EYS: variants seen among roughly 807,000 people sequenced by gnomAD.
EYS encodes protein eyes shut homolog.
In EYS, 250 loss-of-function variants were observed where a neutral mutation model predicts 282.1. The ratio of observed to expected loss-of-function variants is 0.89; its 90% CI spans 0.80 to 0.98. The LOEUF is 0.98. Among genes scored for constraint, EYS ranks in the 50% least tolerant of loss-of-function variants. EYS has a pLI of 0.00. For synonymous variants in EYS, 1,355 were observed against 1,282.9 expected (o/e 1.06, Z -1.20); for missense variants, 4,016 against 3,709.0 (o/e 1.08, Z -2.15).
intron 14 of EYS, among the ~76,000 whole-genome samples, chr6:64,976,938 G>A (rs1224677561): frequency 6.6e-6 from 1 of 151,788 alleles, no homozygotes; most frequent in Non-Finnish European, 1.5e-5. Context: ...TGTCACCCAG[G>A]CTGGAGTGCA....
At chr6:64,788,879 T>C (rs1774099348) in intron 22 of EYS, among the ~76,000 whole-genome samples, 1 of 152,200 alleles carries the variant, frequency 6.6e-6, no homozygotes, top group African/African-American at 2.4e-5. Context: ...TTTTAATAGT[T>C]ATTTTGTAGT....
chr6:63,980,852 C>G (rs1183981635), intron 35 of EYS, among the ~76,000 whole-genome samples: 1 of 151,830 alleles, frequency 6.6e-6, no homozygotes, highest in African/African-American at 2.4e-5. Flanking sequence ...TGGAGAAATC[C>G]ACTTTATGAT....
intron 30 of EYS, among the ~76,000 whole-genome samples, chr6:64,263,398 T>C (rs2150354063): frequency 6.6e-6 from 1 of 152,222 alleles, no homozygotes; most frequent in African/African-American, 2.4e-5. Flanking sequence ...AGCTTGTTGG[T>C]TTTATATCTC....
intron 33 of EYS, among the ~76,000 whole-genome samples, chr6:64,005,728 C>G (rs9444438): frequency 0.12 from 17,636 of 151,996 alleles, 3,164 homozygotes; most frequent in African/African-American, 0.38. Context: ...AATAGGGAGT[C>G]CTTTCCCATT....
intron 33 of EYS, among the ~76,000 whole-genome samples, chr6:64,062,255 TAAAGC>T (rs1281232692): frequency 3.9e-5 from 6 of 152,172 alleles, no homozygotes; most frequent in East Asian, 1.9e-4. Context: ...ACTGGACAGA[TAAAGC>T]AAAGGCAATC....
At chr6:64,617,869 T>C (rs1767325039) in intron 23 of EYS, among the ~76,000 whole-genome samples, 1 of 152,190 alleles carries the variant, frequency 6.6e-6, no homozygotes, top group Non-Finnish European at 1.5e-5. Flanking sequence ...CTTATTTTAC[T>C]TTGGAATAAA....
intron 12 of EYS, among the ~76,000 whole-genome samples, chr6:65,145,912 TA>T (rs1241433608): frequency 6.6e-6 from 1 of 151,910 alleles, no homozygotes; most frequent in Non-Finnish European, 1.5e-5. Flanking sequence ...TGACTAGGTT[TA>T]AAAAACGTTT....
chr6:63,965,913 G>A (rs946415407), intron 35 of EYS, among the ~76,000 whole-genome samples: 12 of 152,148 alleles, frequency 7.9e-5, no homozygotes, highest in Non-Finnish European at 1.6e-4. Flanking sequence ...AATATGAACC[G>A]CAGAATTCAA....
chr6:63,850,102 TA>T (rs1772206773), intron 36 of EYS, among the ~76,000 whole-genome samples: 1 of 151,702 alleles, frequency 6.6e-6, no homozygotes, highest in Admixed American at 6.6e-5. Flanking sequence ...CTTAATGAAA[TA>T]AAGCATGAAA....
intron 26 of EYS, among the ~76,000 whole-genome samples, chr6:64,545,768 A>T (rs1764839492): frequency 6.6e-6 from 1 of 152,208 alleles, no homozygotes; most frequent in South Asian, 2.1e-4. Context: ...ACTCCCATTC[A>T]CAATTGTTTC....
At chr6:64,320,611 T>C (rs1412568087) in intron 29 of EYS, among the ~76,000 whole-genome samples, 1 of 151,782 alleles carries the variant, frequency 6.6e-6, no homozygotes. Context: ...CTTAGACAAA[T>C]TGATAATGAC....
At chr6:63,917,157 C>CGT (rs2149741372) in intron 35 of EYS, among the ~76,000 whole-genome samples, 1 of 152,292 alleles carries the variant, frequency 6.6e-6, no homozygotes, top group Non-Finnish European at 1.5e-5. Flanking sequence ...TACACGTGCA[C>CGT]GCGCGTGCAT....
intron 2 of EYS, among the ~76,000 whole-genome samples, chr6:65,563,514 T>C (rs978792763): frequency 1.3e-5 from 2 of 152,120 alleles, no homozygotes; most frequent in African/African-American, 4.8e-5. Flanking sequence ...TAAAGCATAG[T>C]ATCTCTTCGG....
At chr6:64,515,734 A>G (rs1362999778) in intron 26 of EYS, among the ~76,000 whole-genome samples, 1 of 151,584 alleles carries the variant, frequency 6.6e-6, no homozygotes, top group Non-Finnish European at 1.5e-5. Context: ...CACTTAATAT[A>G]ATTTTTTAAA....
At chr6:65,175,940 A>G (rs9445482) in intron 12 of EYS, among the ~76,000 whole-genome samples, 17,984 of 151,466 alleles carry the variant, frequency 0.12, 1,385 homozygotes, top group African/African-American at 0.22. Flanking sequence ...TCTTTACTGC[A>G]TTATCATTAA....
chr6:65,008,052 C>T (rs1583391164), intron 13 of EYS, among the ~76,000 whole-genome samples: 1 of 152,118 alleles, frequency 6.6e-6, no homozygotes, highest in East Asian at 1.9e-4. Flanking sequence ...TCCCCACAGG[C>T]CAGCAGGCAG....
chr6:64,746,483 G>A (rs545266808), intron 22 of EYS, among the ~76,000 whole-genome samples: 14 of 152,186 alleles, frequency 9.2e-5, no homozygotes, highest in African/African-American at 1.9e-4. Flanking sequence ...CGCATCTGTG[G>A]TAGTCGGTTA....
intron 12 of EYS, among the ~76,000 whole-genome samples, chr6:65,087,337 GT>G (rs1774413778): frequency 6.6e-6 from 1 of 151,916 alleles, no homozygotes. Context: ...TGACTATTTT[GT>G]TTAGGCCATT....
At chr6:63,843,260 T>C (rs1772011976) in intron 36 of EYS, among the ~76,000 whole-genome samples, 2 of 152,320 alleles carry the variant, frequency 1.3e-5, no homozygotes, top group South Asian at 2.1e-4. Flanking sequence ...TTTTTCCTTT[T>C]GTTTGTGTCC....
Sources: allele counts gnomAD v4.1 joint callset (sites outside exome capture counted in the v4.1 genomes callset), GRCh38; gene constraint gnomAD v4.1.1; transcripts MANE v1.5; gene names NCBI Gene and HGNC (gene_info 2026-07-23, HGNC 2026-07-21).